The following KATNIP variants were observed in gnomAD, a reference collection of about 807,000 sequenced individuals.
KATNIP encodes the protein katanin interacting protein.
Under a neutral mutation model 174.0 loss-of-function variants are expected in KATNIP, and 126 were observed. That is an observed-to-expected ratio of 0.72 (90% confidence interval 0.63 to 0.84). The LOEUF is 0.84. Among genes scored for constraint, KATNIP ranks in the 40% least tolerant of loss-of-function variants. The pLI, the probability that KATNIP is intolerant of heterozygous loss-of-function variation, is 0.00. For missense variants in KATNIP, 1,958 were observed against 2,109.7 expected, an observed-to-expected ratio of 0.93 and a Z score of 1.41; for synonymous variants, 810 against 835.7, an observed-to-expected ratio of 0.97 and a Z score of 0.53.
At chr16:27,612,744 AC>A (rs1177040552) in intron 2 of KATNIP, among the ~76,000 whole-genome samples, 2 of 151,170 alleles carry the variant, frequency 1.3e-5, no homozygotes, top group Non-Finnish European at 1.5e-5. Flanking sequence ...GGGCAAGAGA[AC>A]AAGACTCCTT....
chr16:27,562,743 G>T (rs546975894), intron 1 of KATNIP, among the ~76,000 whole-genome samples: 1 of 152,172 alleles, frequency 6.6e-6, no homozygotes, highest in African/African-American at 2.4e-5. Flanking sequence ...CCTGGGAAGC[G>T]TGTTGTCACA....
rs1477353119 is a variant in KATNIP at position 27,701,591 on chromosome 16, G to T, written c.1182G>T (p.Leu394=). The T allele has an allele frequency of 1.9e-6, 3 of 1,586,256 alleles. No homozygotes were observed. ...TTAATAAGCCTTTCCATCCTCAGCT[G>T]CTTCCCATCACCACGGCGACTACTA... The part of the protein sequence containing the change: ...LLEEKEETLE[L]LPITTATTTQ... Residue 394 remains leucine, a splice_region_variant and synonymous_variant, in exon 11 of 28, where the codon CTG becomes CTT. Coordinates refer to ENST00000261588, the MANE Select transcript of KATNIP (RefSeq NM_015202.5).
intron 12 of KATNIP, among the ~76,000 whole-genome samples, chr16:27,705,132 A>G (rs1268679535): frequency 1.3e-5 from 2 of 151,800 alleles, no homozygotes; most frequent in African/African-American, 4.8e-5. Context: ...GCTGGTCTCT[A>G]ATTCCTGGCC....
intron 13 of KATNIP, among the ~76,000 whole-genome samples, chr16:27,714,371 T>C (rs1178030242): frequency 6.6e-6 from 1 of 152,190 alleles, no homozygotes; most frequent in Non-Finnish European, 1.5e-5. Flanking sequence ...TATTTTTTTG[T>C]TTTTTTAAAC....
chr16:27,691,274 A>G (rs1403064918), intron 8 of KATNIP, among the ~76,000 whole-genome samples: 6 of 152,198 alleles, frequency 3.9e-5, no homozygotes, highest in Non-Finnish European at 7.3e-5. Context: ...CTGAATTGAT[A>G]CACCTTTTGT....
At chr16:27,710,600 C>T (rs930443016) in intron 13 of KATNIP, among the ~76,000 whole-genome samples, 3 of 152,160 alleles carry the variant, frequency 2.0e-5, no homozygotes, top group African/African-American at 7.2e-5. Context: ...CTCCTGGGCT[C>T]AAGCTGTCCT....
chr16:27,620,063 T>C (rs2076149419), intron 3 of KATNIP, among the ~76,000 whole-genome samples: 1 of 152,180 alleles, frequency 6.6e-6, no homozygotes. Flanking sequence ...TTGTTTCTCA[T>C]TAATTGGGGG....
At chr16:27,589,823 C>T (rs940941902) in intron 2 of KATNIP, among the ~76,000 whole-genome samples, 7 of 151,832 alleles carry the variant, frequency 4.6e-5, no homozygotes, top group East Asian at 3.9e-4. Context: ...GACAGAGTCT[C>T]GCTCTGTGGC....
intron 6 of KATNIP, among the ~76,000 whole-genome samples, chr16:27,675,111 C>T (rs1455835258): frequency 1.3e-5 from 2 of 152,144 alleles, no homozygotes; most frequent in Non-Finnish European, 2.9e-5. Context: ...TAAAGACATA[C>T]CTGAGACTGG....
At chr16:27,664,303 A>T (rs2077616320) in intron 6 of KATNIP, among the ~76,000 whole-genome samples, 1 of 152,240 alleles carries the variant, frequency 6.6e-6, no homozygotes, top group South Asian at 2.1e-4. Flanking sequence ...TTTGTGGCCT[A>T]CCAGATGATT....
At chr16:27,612,692 G>A (rs1483089637) in intron 2 of KATNIP, among the ~76,000 whole-genome samples, 1 of 152,078 alleles carries the variant, frequency 6.6e-6, no homozygotes, top group East Asian at 1.9e-4. Context: ...CCAGGAGGTG[G>A]AGGTTGCAGT....
intron 8 of KATNIP, chr16:27,687,292 C>T (rs944296420): frequency 2.6e-5 from 4 of 151,622 alleles, no homozygotes; most frequent in Non-Finnish European, 2.9e-5. Flanking sequence ...TGCCTTCAAA[C>T]GATCTCTTTT....
In KATNIP at chr16:27,702,031, G is replaced by A. The variant is rs1432582507; in HGVS notation, c.1286+336G>A. On this transcript the variant is annotated intron_variant, in intron 11 of 27. Transcript: ENST00000261588. Reference sequence around the variant, plus strand: ...GGTCTCCAGCTCCTGGGCTCAAGCAGTCCACCCACCTCGGCCTCTCAAACA... The same window carrying A: ...GGTCTCCAGCTCCTGGGCTCAAGCAATCCACCCACCTCGGCCTCTCAAACA... 2.0e-5 allele frequency among the ~76,000 whole-genome samples: 3 copies of A among 152,136 alleles called. No individual in the cohort carries two copies. In the East Asian group the frequency reaches 5.8e-4, roughly 29 times the overall value.
At chr16:27,714,624 A>G (rs918353912) in intron 13 of KATNIP, among the ~76,000 whole-genome samples, 2 of 152,206 alleles carry the variant, frequency 1.3e-5, no homozygotes, top group Non-Finnish European at 1.5e-5. Context: ...ATCAAGAATG[A>G]TAGAGAGAAC....
At chr16:27,660,260 T>C (rs1382816844) in intron 6 of KATNIP, among the ~76,000 whole-genome samples, 2 of 152,138 alleles carry the variant, frequency 1.3e-5, no homozygotes, top group Admixed American at 1.3e-4. Context: ...TATTACAAAA[T>C]CCGTGGATTG....
intron 5 of KATNIP, among the ~76,000 whole-genome samples, chr16:27,647,342 C>T (rs1352133060): frequency 6.6e-6 from 1 of 152,018 alleles, no homozygotes; most frequent in East Asian, 1.9e-4. Context: ...CACAAAGCCC[C>T]CCCCTTTCTT....
chr16:27,663,187 G>T (rs1248563643), intron 6 of KATNIP, among the ~76,000 whole-genome samples: 1 of 108,258 alleles, frequency 9.2e-6, no homozygotes, highest in South Asian at 3.3e-4. Flanking sequence ...AGGTAGAGAA[G>T]ATGTCTCACC....
intron 14 of KATNIP, among the ~76,000 whole-genome samples, chr16:27,736,757 A>G (rs2080911303): frequency 6.6e-6 from 1 of 152,182 alleles, no homozygotes; most frequent in Non-Finnish European, 1.5e-5. Flanking sequence ...TTCAGTTGTT[A>G]AAAAAAGACT....
intron 6 of KATNIP, among the ~76,000 whole-genome samples, chr16:27,675,946 A>T (rs1242731864): frequency 1.4e-4 from 22 of 152,156 alleles, no homozygotes; most frequent in Admixed American, 1.4e-3. Flanking sequence ...TGCATTTTGC[A>T]TCTTTCTGAG....
Sources: allele counts gnomAD v4.1 joint callset (sites outside exome capture counted in the v4.1 genomes callset), GRCh38; gene constraint gnomAD v4.1.1; transcripts MANE v1.5; gene names NCBI Gene and HGNC (gene_info 2026-07-23, HGNC 2026-07-21).